The following RSF1 variants were observed in gnomAD, a reference collection of about 807,000 sequenced individuals.
The protein encoded by RSF1 is HBV pX-associated protein 8.
In RSF1, 13 loss-of-function variants were observed where a neutral mutation model predicts 145.2. That is an observed-to-expected ratio of 0.09 (90% CI 0.06 to 0.14). RSF1 has a LOEUF of 0.14. RSF1 is among the 10% of genes least tolerant of loss of function. The probability of loss-of-function intolerance (pLI) is 1.00; values close to 1 mark genes in which losing one functional copy is unlikely to be tolerated. For synonymous variants in RSF1, 577 were observed against 592.6 expected, an observed-to-expected ratio of 0.97 and a Z score of 0.38; for missense variants, 1,517 against 1,718.2, an observed-to-expected ratio of 0.88 and a Z score of 2.07.
chr11:77,801,014 A>C lies in RSF1; in HGVS notation c.187+19514T>G, dbSNP rs573986370. Among the ~76,000 whole-genome samples the C allele has an allele frequency of 5.9e-4, 62 of 104,730 alleles. No homozygotes were observed. In the South Asian group the frequency reaches 6.9e-3, roughly 12 times the overall value. 68.7% of individuals were successfully genotyped at this position (104,730 alleles called of 152,430 possible). The stretch of plus-strand genomic sequence containing the variant: ...AGCCAGGCCTTCTCTCTCTCTCTCA[A>C]AAAAAAAAAGAATTAATTCCAATCC... On this transcript the variant is annotated intron_variant, in intron 1 of 15. Coordinates refer to ENST00000308488, the MANE Select transcript of RSF1 (RefSeq NM_016578.4).
chr11:77,789,546 A>C (rs1019414222), intron 1 of RSF1, among the ~76,000 whole-genome samples: 1 of 152,136 alleles, frequency 6.6e-6, no homozygotes, highest in Admixed American at 6.5e-5. Flanking sequence ...CTGAGGCGCG[A>C]GCACCCCCAG....
intron 9 of RSF1, among the ~76,000 whole-genome samples, chr11:77,690,672 C>T (rs1960129859): frequency 6.6e-6 from 1 of 152,054 alleles, no homozygotes; most frequent in Admixed American, 6.6e-5. Context: ...CCTGCCTCGG[C>T]CTCTCAAAGT....
intron 11 of RSF1, among the ~76,000 whole-genome samples, chr11:77,681,954 C>T (rs772342306): frequency 5.9e-5 from 9 of 152,100 alleles, no homozygotes; most frequent in Non-Finnish European, 1.2e-4. Flanking sequence ...TAATGCATCG[C>T]TAATGAAGTT....
chr11:77,860,542 T>G, the RSF1 span, among the ~76,000 whole-genome samples: 1 of 152,226 alleles, frequency 6.6e-6, no homozygotes, highest in Non-Finnish European at 1.5e-5. Context: ...GGTGGCTTGA[T>G]GGCACAAGGT....
chr11:77,790,424 G>C (rs1948505167), intron 1 of RSF1, among the ~76,000 whole-genome samples: 3 of 152,100 alleles, frequency 2.0e-5, no homozygotes, highest in South Asian at 4.1e-4. Flanking sequence ...ATGAGATCTG[G>C]GTGGGGACAC....
the RSF1 span, among the ~76,000 whole-genome samples, chr11:77,827,027 C>T: frequency 1.3e-5 from 2 of 152,144 alleles, no homozygotes; most frequent in Non-Finnish European, 2.9e-5. Context: ...ATCACTTGAA[C>T]CCAGGAGGCA....
In RSF1 at chr11:77,701,164, A is replaced by G; in HGVS notation, c.2065T>C (p.Ser689Pro). 3 of 1,614,124 alleles carry G rather than the reference A, an allele frequency of 1.9e-6. No individual in the cohort carries two copies. The highest frequency in any genetic ancestry group is 1.7e-6 in the Non-Finnish European group (2 of 1,180,024). Residue 689 changes from serine to proline, a missense_variant, in exon 6 of 16, where the codon TCT becomes CCT. Ser to Pro is a moderately conservative substitution (Grantham distance 74, BLOSUM62 -1). Coordinates refer to ENST00000308488, the MANE Select transcript of RSF1 (RefSeq NM_016578.4). ...GTCTCAGAAGGCTCCTCTATGCCAGAGGTCTGGGCATTGTCCAGATTATCC... is the reference window on the plus strand; with the variant it reads ...GTCTCAGAAGGCTCCTCTATGCCAGGGGTCTGGGCATTGTCCAGATTATCC... ...EMDNLDNAQT[S>P]GIEEPSETKG...
chr11:77,749,054 A>T (rs1282257838), intron 2 of RSF1, among the ~76,000 whole-genome samples: 1 of 152,230 alleles, frequency 6.6e-6, no homozygotes, highest in Admixed American at 6.5e-5. Context: ...AACCAGACAC[A>T]AAAGGCCACA....
At chr11:77,825,649 A>G (rs1439264827), upstream of RSF1, among the ~76,000 whole-genome samples, 3 of 151,924 alleles carry the variant, frequency 2.0e-5, no homozygotes, top group South Asian at 4.2e-4. Context: ...ACAGAATTCT[A>G]TTCATTGAAG....
In RSF1 at chr11:77,701,814, T is replaced by C; in HGVS notation, c.1415A>G (p.Tyr472Cys). The change falls in exon 6 of 16, where the codon TAT becomes TGT. Residue 472 changes from tyrosine (Y) to cysteine (C), a missense_variant. This residue lies in a region of RSF1 where 579 missense variants were observed against 553.5 expected (regional missense o/e 1.05). Transcript: ENST00000308488. ...GATATTTCTGTCCTTAGAGGGGCTA[T>C]AGCTCTCTTCCTTTGTCTCATAAAA... ...TKFYETKEES[Y>C]SPSKDRNIIT... is the part of the protein sequence containing the mutation. 2 of 1,614,132 alleles carry C rather than the reference T, an allele frequency of 1.2e-6. No homozygotes were observed. Among genetic ancestry groups the C allele is most frequent in the African/African-American group, 1.3e-5 (1 of 75,066 alleles).
chr11:77,716,374 T>C (rs1369770663), intron 5 of RSF1, among the ~76,000 whole-genome samples: 1 of 152,172 alleles, frequency 6.6e-6, no homozygotes, highest in Admixed American at 6.5e-5. Context: ...TCAACCTAAG[T>C]GTCCATTAAC....
intron 1 of RSF1, among the ~76,000 whole-genome samples, chr11:77,788,122 A>G (rs1209271951): frequency 4.4e-5 from 6 of 136,004 alleles, no homozygotes; most frequent in Non-Finnish European, 3.1e-5. Flanking sequence ...AACCTGGGCA[A>G]CCAGAGTGAG....
chr11:77,669,399 C>T (rs968663467), intron 15 of RSF1, among the ~76,000 whole-genome samples: 12 of 152,208 alleles, frequency 7.9e-5, no homozygotes, highest in Admixed American at 2.6e-4. Flanking sequence ...GTTTGCTTTC[C>T]TCTTCCTCCT....
the RSF1 span, among the ~76,000 whole-genome samples, chr11:77,848,423 T>C: frequency 6.6e-6 from 1 of 151,270 alleles, no homozygotes; most frequent in East Asian, 2.0e-4. Flanking sequence ...CAGGGCGTGA[T>C]CTCGGCACAC....
At chr11:77,705,579 G>A (rs938463702) in intron 5 of RSF1, among the ~76,000 whole-genome samples, 1 of 152,184 alleles carries the variant, frequency 6.6e-6, no homozygotes, top group Non-Finnish European at 1.5e-5. Flanking sequence ...TGTTCAGGAA[G>A]GCACTTGCCT....
At chr11:77,722,117 T>C (rs1054208350) in intron 5 of RSF1, among the ~76,000 whole-genome samples, 4 of 152,098 alleles carry the variant, frequency 2.6e-5, no homozygotes, top group African/African-American at 7.2e-5. Context: ...GAGTTCCAGA[T>C]TGCAGCATAC....
At position 77,701,336 on chromosome 11, in the gene RSF1, T is replaced by A; in HGVS notation, c.1893A>T (p.Pro631=). The change falls in exon 6 of 16, where the codon CCA becomes CCT. Residue 631 remains proline (P), a synonymous_variant. Transcript: ENST00000308488. ...TCTCACAGTGGTCAATGATATTAGA[T>A]GGTGGAGAAGTTTCAGCTGCCTCAG... The part of the protein sequence containing the change: ...GSPEAAETSP[P]SNIIDHCEKL... 6.2e-7 allele frequency: 1 copy of A among 1,614,096 alleles called. No individual in the cohort carries two copies. The highest frequency in any genetic ancestry group is 8.5e-7 in the Non-Finnish European group (1 of 1,180,016).
the RSF1 span, among the ~76,000 whole-genome samples, chr11:77,826,251 A>G: frequency 2.6e-5 from 4 of 151,818 alleles, no homozygotes; most frequent in Middle Eastern, 6.8e-3. Context: ...AGTCCCAGCT[A>G]CTCGGGAGGC....
At chr11:77,844,961 AATG>A in the RSF1 span, among the ~76,000 whole-genome samples, 7 of 152,234 alleles carry the variant, frequency 4.6e-5, no homozygotes, top group Middle Eastern at 6.8e-3. Flanking sequence ...ATTGGTTTCT[AATG>A]ATAAATCAAC....
Sources: allele counts gnomAD v4.1 joint callset (sites outside exome capture counted in the v4.1 genomes callset), GRCh38; gene constraint gnomAD v4.1.1; regional missense constraint gnomAD v4.1.1; transcripts MANE v1.5; gene names NCBI Gene and HGNC (gene_info 2026-07-23, HGNC 2026-07-21).